ROR1: variants seen among roughly 807,000 people sequenced by gnomAD.
ROR1 encodes ROR family WNT receptor 1, also known as inactive tyrosine-protein kinase transmembrane receptor ROR1.
A neutral mutation model predicts 78.8 loss-of-function variants in ROR1; 19 were observed. The observed-to-expected ratio is 0.24, with a 90% CI of 0.17 to 0.35. ROR1 has a LOEUF of 0.35. ROR1 is among the 10% of genes least tolerant of loss of function. ROR1 has a pLI of 1.00. For synonymous variants in ROR1, 386 were observed against 433.6 expected, an observed-to-expected ratio of 0.89 and a Z score of 1.36; for missense variants, 917 against 1,177.8, an observed-to-expected ratio of 0.78 and a Z score of 3.24.
intron 4 of ROR1, among the ~76,000 whole-genome samples, chr1:64,124,412 A>G (rs1648643469): frequency 6.6e-6 from 1 of 151,322 alleles, no homozygotes; most frequent in African/African-American, 2.4e-5. Flanking sequence ...CTCTGTCTCC[A>G]TCTGCCCCTT....
intron 1 of ROR1, among the ~76,000 whole-genome samples, chr1:63,816,109 C>T (rs554863263): frequency 1.6e-4 from 24 of 152,252 alleles, no homozygotes; most frequent in Non-Finnish European, 2.1e-4. Flanking sequence ...CACTGGTGGC[C>T]GCTAGACAGT....
chr1:63,788,834 G>T, intron 1 of ROR1: 1 of 678,826 alleles, frequency 1.5e-6, no homozygotes, highest in Non-Finnish European at 2.7e-6. Context: ...GCCTCAACCT[G>T]GTTAGCCAGG....
intron 3 of ROR1, among the ~76,000 whole-genome samples, chr1:64,050,226 A>G (rs1646817863): frequency 6.6e-6 from 1 of 152,210 alleles, no homozygotes; most frequent in Non-Finnish European, 1.5e-5. Context: ...CTGACCTCAG[A>G]GCCCCTAATT....
chr1:64,075,790 G>A (rs1647046304), intron 4 of ROR1, among the ~76,000 whole-genome samples: 1 of 152,152 alleles, frequency 6.6e-6, no homozygotes, highest in African/African-American at 2.4e-5. Context: ...TACGCTTAAT[G>A]GCTCTAAGAG....
At chr1:64,104,811 A>G (rs563968897) in intron 4 of ROR1, among the ~76,000 whole-genome samples, 3 of 152,346 alleles carry the variant, frequency 2.0e-5, no homozygotes, top group East Asian at 3.9e-4. Flanking sequence ...TTATGGCTGC[A>G]TAGTATTCCA....
chr1:63,899,019 A>G (rs1645464395), intron 1 of ROR1, among the ~76,000 whole-genome samples: 1 of 152,072 alleles, frequency 6.6e-6, no homozygotes, highest in Non-Finnish European at 1.5e-5. Context: ...CCACCCACCA[A>G]GAAGCACCGG....
At chr1:63,986,367 T>A (rs1298606698) in intron 1 of ROR1, among the ~76,000 whole-genome samples, 2 of 152,170 alleles carry the variant, frequency 1.3e-5, no homozygotes, top group Non-Finnish European at 2.9e-5. Context: ...ATTCCTGTTC[T>A]CATTTTGACA....
At chr1:63,897,991 C>A (rs184495440) in intron 1 of ROR1, among the ~76,000 whole-genome samples, 2 of 152,148 alleles carry the variant, frequency 1.3e-5, no homozygotes, top group African/African-American at 4.8e-5. Flanking sequence ...AGAGGGAAGG[C>A]GTGGAGGGTT....
chr1:63,937,327 T>C (rs1645801784), intron 1 of ROR1, among the ~76,000 whole-genome samples: 1 of 152,188 alleles, frequency 6.6e-6, no homozygotes, highest in Non-Finnish European at 1.5e-5. Context: ...TGAATTGAGA[T>C]CTGAACTTCA....
intron 1 of ROR1, among the ~76,000 whole-genome samples, chr1:63,962,915 G>C (rs542573346): frequency 6.6e-6 from 1 of 152,278 alleles, no homozygotes; most frequent in African/African-American, 2.4e-5. Context: ...CAGTAGACCA[G>C]GCAAGATGGT....
At chr1:63,912,975 C>A (rs1181850163) in intron 1 of ROR1, among the ~76,000 whole-genome samples, 2 of 152,118 alleles carry the variant, frequency 1.3e-5, no homozygotes, top group African/African-American at 4.8e-5. Flanking sequence ...GACACCACAT[C>A]TTCCCTGTCT....
Position 63,833,965 on chromosome 1 carries a change from C to CT in ROR1, c.91+59465dup, listed in dbSNP as rs1036510230. On this transcript the variant is annotated intron_variant, in intron 1 of 8. Coordinates refer to ENST00000371079, the MANE Select transcript of ROR1 (RefSeq NM_005012.4). ...ACATCAATGCTTTCCGTCTCGAGGG[C>CT]TTTTTTTTGACTTTTCTTCTTCTTC... 1.1e-3 allele frequency among the ~76,000 whole-genome samples: 159 copies of CT among 143,512 alleles called. 2 individuals carry two copies. The highest frequency in any genetic ancestry group is 8.1e-4 in the Non-Finnish European group (53 of 65,316). The allele number at this position is 143,512 out of a possible 152,430, so 94.1% of individuals were successfully genotyped here.
intron 1 of ROR1, among the ~76,000 whole-genome samples, chr1:63,893,634 G>A (rs1645416968): frequency 6.6e-6 from 1 of 151,906 alleles, no homozygotes; most frequent in South Asian, 2.1e-4. Flanking sequence ...TTTTCTGGTT[G>A]CCTTTGCTAC....
chr1:64,149,281 T>C (rs1353959179), intron 7 of ROR1, among the ~76,000 whole-genome samples: 1 of 152,204 alleles, frequency 6.6e-6, no homozygotes. Context: ...GAAGCCGAGA[T>C]TCAAACCAAT....
chr1:63,921,920 A>T (rs1025977975), intron 1 of ROR1, among the ~76,000 whole-genome samples: 9 of 152,208 alleles, frequency 5.9e-5, no homozygotes, highest in African/African-American at 2.2e-4. Flanking sequence ...ATAATTAAAA[A>T]ATATAGAGTC....
Position 64,177,639 on chromosome 1 carries a change from C to A in ROR1, c.1598C>A (p.Pro533His), listed in dbSNP as rs1461365096. ...TCCCTAATGGCAGAACTGCACCACCCCAATATTGTCTGCCTTCTAGGTGCC... is the reference window on the plus strand; with the variant it reads ...TCCCTAATGGCAGAACTGCACCACCACAATATTGTCTGCCTTCTAGGTGCC... The part of the protein sequence containing the change: ...EASLMAELHH[P>H]NIVCLLGAVT... The change falls in exon 9 of 9, where the codon CCC becomes CAC. Residue 533 changes from proline (P) to histidine (H), a missense_variant. Coordinates refer to ENST00000371079, the MANE Select transcript of ROR1 (RefSeq NM_005012.4). 1 of 1,614,180 alleles carries A rather than the reference C, an allele frequency of 6.2e-7. No individual in the cohort carries two copies. The highest frequency in any genetic ancestry group is 1.7e-5 in the Admixed American group (1 of 60,022).
chr1:64,147,993 T>A (rs1050522463), intron 7 of ROR1, among the ~76,000 whole-genome samples: 1 of 152,184 alleles, frequency 6.6e-6, no homozygotes, highest in African/African-American at 2.4e-5. Flanking sequence ...GCCCACACAA[T>A]GAATCATCTA....
chr1:63,776,742 A>G (rs1179601156), intron 1 of ROR1, among the ~76,000 whole-genome samples: 2 of 152,172 alleles, frequency 1.3e-5, no homozygotes, highest in African/African-American at 2.4e-5. Flanking sequence ...ATAAAACAAT[A>G]TAAAACAATA....
intron 1 of ROR1, among the ~76,000 whole-genome samples, chr1:63,849,568 G>T (rs632598): frequency 0.44 from 66,398 of 151,888 alleles, 18,238 homozygotes; most frequent in African/African-American, 0.79. Flanking sequence ...GTGTGGGGTG[G>T]GCGCCTGTGG....
Sources: gnomAD v4.1 joint callset for allele counts (sites outside exome capture counted in the v4.1 genomes callset) on GRCh38, gnomAD v4.1.1 for gene constraint, MANE v1.5 for transcripts, NCBI Gene and HGNC (gene_info 2026-07-23, HGNC 2026-07-21) for gene names.